The following CFAP54 variants were observed in gnomAD, a reference collection of about 807,000 sequenced individuals.
CFAP54 encodes cilia and flagella associated protein 54.
In CFAP54, 290 loss-of-function variants were observed where a neutral mutation model predicts 370.4. The observed-to-expected ratio is 0.78, with a 90% CI of 0.71 to 0.86. The LOEUF (loss-of-function observed/expected upper bound fraction) is 0.86. CFAP54 is among the 40% of genes least tolerant of loss of function. The pLI is 0.00. For missense variants in CFAP54, 3,399 were observed against 3,528.7 expected (o/e 0.96, Z 0.93); for synonymous variants, 1,206 against 1,236.5 (o/e 0.98, Z 0.52).
At position 96,753,886 on chromosome 12, in the gene CFAP54, CT is replaced by C; in HGVS notation, c.7833del (p.Gln2612ArgfsTer5). ...VEEHEVEAEI[L>X]FQKGKIERQI... ...GGAACATGAGGTGGAAGCTGAAATC[CT>C]TTTTCAGAAAGGTAAAATGCATCTG... On this transcript the variant is annotated frameshift_variant, in exon 56 of 68. Coordinates refer to ENST00000524981, the MANE Select transcript of CFAP54 (RefSeq NM_001306084.2). LOFTEE classifies it high-confidence loss of function. 6.2e-7 allele frequency: 1 copy of C among 1,613,342 alleles called. No individual in the cohort carries two copies. Among genetic ancestry groups the C allele is most frequent in the Non-Finnish European group, 8.5e-7 (1 of 1,179,588 alleles).
chr12:96,648,071 AAAC>A, intron 34 of CFAP54, 54 bp downstream of exon 34: 1 of 1,353,606 alleles, frequency 7.4e-7, no homozygotes, highest in South Asian at 1.5e-5. Context: ...TTTATTCACT[AAAC>A]AACACAGCAC....
chr12:96,543,992 G>A (rs767379605), intron 14 of CFAP54, among the ~76,000 whole-genome samples: 1 of 152,032 alleles, frequency 6.6e-6, no homozygotes, highest in Non-Finnish European at 1.5e-5. Flanking sequence ...ATATTCAGAT[G>A]TGACTCTGTG....
chr12:96,664,619 C>CGTGTGTGTGT (rs1244496174), intron 39 of CFAP54, among the ~76,000 whole-genome samples: 2 of 56,378 alleles, frequency 3.5e-5, no homozygotes, highest in Admixed American at 2.2e-4. Flanking sequence ...TTACCAAGAA[C>CGTGTGTGTGT]GTATGTGTGT....
chr12:96,864,629 A>G (rs1266620793), intron 67 of CFAP54, among the ~76,000 whole-genome samples: 1 of 152,118 alleles, frequency 6.6e-6, no homozygotes, highest in African/African-American at 2.4e-5. Context: ...CCCTCCATCC[A>G]GTTCAAATGA....
At chr12:96,594,484 A>T (rs1275310382) in intron 25 of CFAP54, 38 bp downstream of exon 25, 1 of 1,395,660 alleles carries the variant, frequency 7.2e-7, no homozygotes, top group Non-Finnish European at 9.5e-7. Flanking sequence ...GGGAATCTTT[A>T]TAAAGGCAAC....
chr12:96,636,560 G>A (rs1188712624), intron 32 of CFAP54, among the ~76,000 whole-genome samples: 1 of 152,090 alleles, frequency 6.6e-6, no homozygotes, highest in East Asian at 1.9e-4. Context: ...TTTAGTCTTT[G>A]CAAAGAACCA....
intron 48 of CFAP54, among the ~76,000 whole-genome samples, chr12:96,715,299 C>T (rs1374097181): frequency 6.6e-6 from 1 of 152,036 alleles, no homozygotes; most frequent in African/African-American, 2.4e-5. Context: ...TTCCCAGCCA[C>T]ATTAAAATTC....
intron 49 of CFAP54, among the ~76,000 whole-genome samples, chr12:96,720,136 C>G (rs1168712064): frequency 6.6e-6 from 1 of 152,196 alleles, no homozygotes; most frequent in East Asian, 1.9e-4. Flanking sequence ...CTTTATAGAA[C>G]ATAACTACTG....
intron 50 of CFAP54, among the ~76,000 whole-genome samples, chr12:96,737,791 T>C (rs1258882229): frequency 6.6e-6 from 1 of 151,892 alleles, no homozygotes; most frequent in Admixed American, 6.6e-5. Context: ...ACCAAAAATA[T>C]AGATCAATAG....
intron 63 of CFAP54, among the ~76,000 whole-genome samples, chr12:96,808,311 CCT>C (rs1457934435): frequency 1.3e-5 from 2 of 152,218 alleles, no homozygotes; most frequent in East Asian, 3.9e-4. Flanking sequence ...AATTCCTTCC[CCT>C]CTCTCTAAGT....
intron 26 of CFAP54, among the ~76,000 whole-genome samples, chr12:96,601,441 C>T (rs1225830358): frequency 6.6e-6 from 1 of 152,160 alleles, no homozygotes; most frequent in Non-Finnish European, 1.5e-5. Context: ...CTCTGCTAGG[C>T]TTTGGTATCA....
At position 96,658,284 on chromosome 12, in the gene CFAP54, T is replaced by C; in HGVS notation, c.5398T>C (p.Phe1800Leu). ...CCAGCTTCTGCTGAGAATACAGAAG[T>C]TCAAGGGCCCAGATATTACCCAACA... Reference protein sequence around the residue: ...QRQLLLRIQKFKGPDITQQPC... With the variant: ...QRQLLLRIQKLKGPDITQQPC... The change falls in exon 38 of 68, where the codon TTC becomes CTC. Residue 1800 changes from phenylalanine (F) to leucine (L), a missense_variant. Phe to Leu is a conservative substitution (Grantham distance 22). Coordinates refer to ENST00000524981, the MANE Select transcript of CFAP54 (RefSeq NM_001306084.2). 1 of 1,614,118 alleles carries C rather than the reference T, an allele frequency of 6.2e-7. No homozygotes were observed. Among genetic ancestry groups the C allele is most frequent in the Non-Finnish European group, 8.5e-7 (1 of 1,179,994 alleles).
At position 96,647,843 on chromosome 12, in the gene CFAP54, TG is replaced by T. The variant is rs1241019439; in HGVS notation, c.4548-31del. On this transcript the variant is annotated intron_variant, in intron 33 of 67. Transcript: ENST00000524981. ...AGATTTAATTCAATTTTGCTTATAT[TG>T]TTTTTTAATATGATTTTTCCCCCCT... The T allele has an allele frequency of 2.7e-6, 4 of 1,472,930 alleles. No homozygotes were observed. In the African/African-American group the frequency reaches 4.3e-5, roughly 16 times the overall value. The allele number at this position is 1,472,930 out of a possible 1,614,324, so 91.2% of individuals were successfully genotyped here.
intron 9 of CFAP54, among the ~76,000 whole-genome samples, chr12:96,532,017 C>T (rs761121981): frequency 6.6e-6 from 1 of 152,234 alleles, no homozygotes; most frequent in Non-Finnish European, 1.5e-5. Flanking sequence ...TAAGCCATCG[C>T]ACCCGGCCAT....
intron 22 of CFAP54, among the ~76,000 whole-genome samples, chr12:96,586,421 T>G (rs929087936): frequency 3.9e-5 from 6 of 152,024 alleles, no homozygotes; most frequent in African/African-American, 1.4e-4. Flanking sequence ...AAGTGGAGTA[T>G]GTAAAACGAA....
At chr12:96,504,119 C>T in intron 3 of CFAP54, 90 bp downstream of exon 3, 2 of 1,228,264 alleles carry the variant, frequency 1.6e-6, no homozygotes, top group Non-Finnish European at 2.2e-6. Flanking sequence ...GTCTTGTTGG[C>T]TTAGCATAGC....
At chr12:96,857,470 G>A (rs372913707) in intron 66 of CFAP54, among the ~76,000 whole-genome samples, 8 of 152,106 alleles carry the variant, frequency 5.3e-5, no homozygotes, top group East Asian at 3.9e-4. Flanking sequence ...ACATGATCAC[G>A]TTCTTCTTTT....
intron 40 of CFAP54, among the ~76,000 whole-genome samples, chr12:96,683,646 A>T (rs900311714): frequency 2.0e-5 from 3 of 152,212 alleles, no homozygotes; most frequent in African/African-American, 7.2e-5. Context: ...CCATTGTGAC[A>T]TCTAGCAAAA....
intron 17 of CFAP54, among the ~76,000 whole-genome samples, chr12:96,558,782 A>T (rs1037213763): frequency 1.1e-4 from 16 of 152,210 alleles, no homozygotes; most frequent in African/African-American, 3.9e-4. Context: ...CTACTCCAAG[A>T]TACCATTGGG....
Sources: allele counts gnomAD v4.1 joint callset (sites outside exome capture counted in the v4.1 genomes callset), GRCh38; gene constraint gnomAD v4.1.1; transcripts MANE v1.5; gene names NCBI Gene and HGNC (gene_info 2026-07-23, HGNC 2026-07-21).